Variants in SETD2 observed in about 807,000 individuals in gnomAD.
The protein encoded by SETD2 is histone-lysine N-methyltransferase SETD2.
Under a neutral mutation model 242.1 loss-of-function variants are expected in SETD2, and 31 were observed. The observed-to-expected ratio is 0.13, with a 90% CI of 0.10 to 0.17. SETD2 has a LOEUF of 0.17. SETD2 is among the 10% of genes least tolerant of loss of function. The pLI is 1.00. For missense variants in SETD2, 2,481 were observed against 3,046.3 expected (o/e 0.81, Z 4.37); for synonymous variants, 1,006 against 1,066.5 (o/e 0.94, Z 1.11).
intron 12 of SETD2, among the ~76,000 whole-genome samples, chr3:47,077,343 A>G (rs1000730335): frequency 6.6e-6 from 1 of 152,142 alleles, no homozygotes; most frequent in Non-Finnish European, 1.5e-5. Flanking sequence ...TCGGCCTCCC[A>G]AAGTGCTGGG....
At chr3:47,037,848 T>A in intron 17 of SETD2, 71 bp from the exon 18 acceptor site, 1 of 1,028,944 alleles carries the variant, frequency 9.7e-7, no homozygotes, top group Non-Finnish European at 1.5e-6. Flanking sequence ...ACATCACTGC[T>A]CATACATACA....
intron 9 of SETD2, among the ~76,000 whole-genome samples, chr3:47,097,086 T>C (rs1190109978): frequency 6.6e-6 from 1 of 152,118 alleles, no homozygotes; most frequent in Non-Finnish European, 1.5e-5. Flanking sequence ...AACAGAAAAA[T>C]TGCTGTCATC....
At chr3:47,144,842 T>C (rs2043816209) in intron 1 of SETD2, among the ~76,000 whole-genome samples, 1 of 151,636 alleles carries the variant, frequency 6.6e-6, no homozygotes, top group Non-Finnish European at 1.5e-5. Context: ...TCCCAGCTAC[T>C]CGGGAGGCTG....
chr3:47,041,550 T>A (rs1325649550), intron 17 of SETD2, among the ~76,000 whole-genome samples: 3 of 151,984 alleles, frequency 2.0e-5, no homozygotes, highest in Non-Finnish European at 2.9e-5. Context: ...TTGATAAAGC[T>A]CTATGAAATA....
chr3:47,019,069 T>G (rs1420939662), intron 19 of SETD2, among the ~76,000 whole-genome samples: 1 of 152,218 alleles, frequency 6.6e-6, no homozygotes, highest in African/African-American at 2.4e-5. Context: ...GAATGAAGAT[T>G]GGAGTTTAGA....
chr3:47,084,121 T>A lies in SETD2; in HGVS notation c.5659A>T (p.Asn1887Tyr). The stretch of plus-strand genomic sequence containing the variant: ...TCAGAGATTGCACTGTCCATGCTAT[T>A]TTCACTTATAATTTTCAGTCTGCGA... ...MFRRLKIISENSMDSAISDAT... is the reference protein window; with the variant it reads ...MFRRLKIISEYSMDSAISDAT... The change falls in exon 12 of 21, where the codon AAT (asparagine) becomes TAT (tyrosine). Residue 1887 changes from asparagine to tyrosine, a missense_variant. By Grantham distance (143) the Asn-to-Tyr change is moderately radical (BLOSUM62 -2). Transcript: ENST00000409792. 1 of 1,614,172 alleles carries A rather than the reference T, an allele frequency of 6.2e-7. No individual in the cohort carries two copies. Among genetic ancestry groups the A allele is most frequent in the Non-Finnish European group, 8.5e-7 (1 of 1,180,024 alleles).
intron 1 of SETD2, among the ~76,000 whole-genome samples, chr3:47,139,800 T>G (rs1437288396): frequency 1.3e-5 from 2 of 152,214 alleles, no homozygotes; most frequent in Non-Finnish European, 2.9e-5. Context: ...AGTGATACAC[T>G]GCTTTATCAA....
rs753153096 is a variant in SETD2, at chr3:47,088,167, T to A, written c.5223A>T (p.Leu1741=). 2 of 1,613,888 alleles carry A rather than the reference T, an allele frequency of 1.2e-6. No homozygotes were observed. The highest frequency in any genetic ancestry group is 1.7e-6 in the Non-Finnish European group (2 of 1,179,918). The stretch of plus-strand genomic sequence containing the variant: ...GCTCCAAAGTTTCAATTCTAACCAT[T>A]AGCCGGGATAAGCTGAGCACCTGGT... The part of the protein sequence containing the change: ...DKNQVLSLSR[L]MVRIETLEQK... Residue 1741 remains leucine, a synonymous_variant, in exon 10 of 21, where the codon CTA becomes CTT. Coordinates refer to ENST00000409792, the MANE Select transcript of SETD2 (RefSeq NM_014159.7).
chr3:47,066,902 A>C (rs775352870), intron 13 of SETD2, 168 bp downstream of exon 13: 4 of 552,798 alleles, frequency 7.2e-6, no homozygotes, highest in Non-Finnish European at 9.6e-6. Context: ...AAAATGCATT[A>C]AGAATAAAAG....
chr3:47,078,812 C>A (rs976025395), intron 12 of SETD2, among the ~76,000 whole-genome samples: 9 of 151,804 alleles, frequency 5.9e-5, no homozygotes, highest in Non-Finnish European at 2.9e-5. Flanking sequence ...ATCACTGCAG[C>A]CTCAACCTCC....
rs762246808 is a variant in SETD2 at position 47,083,862 on chromosome 3, G to C, written c.5918C>G (p.Pro1973Arg). The change falls in exon 12 of 21, where the codon CCT becomes CGT. Residue 1973 changes from proline (P) to arginine (R), a missense_variant. Around this residue, in one of 17 missense-constraint regions of SETD2, gnomAD observed 203 missense variants for 222.4 expected, o/e 0.91. Coordinates refer to ENST00000409792, the MANE Select transcript of SETD2 (RefSeq NM_014159.7). ...KESNGTKLEE[P>R]INEETPSQDE... Reference sequence around the variant, plus strand: ...TTGGGATGGTGTTTCTTCATTAATAGGTTCTTCTAGTTTTGTGCCGTTGCT... The same window carrying C: ...TTGGGATGGTGTTTCTTCATTAATACGTTCTTCTAGTTTTGTGCCGTTGCT... 3.1e-6 allele frequency: 5 copies of C among 1,614,112 alleles called. No homozygotes were observed. The Admixed American group carries it at 8.3e-5, about 27-fold the overall frequency.
chr3:47,040,725 C>T (rs1035381152), intron 17 of SETD2, among the ~76,000 whole-genome samples: 1 of 151,746 alleles, frequency 6.6e-6, no homozygotes, highest in Non-Finnish European at 1.5e-5. Context: ...AGGTGCACAC[C>T]ACCATGCCAA....
At chr3:47,056,375 C>T (rs1559671869) in intron 15 of SETD2, among the ~76,000 whole-genome samples, 2 of 152,010 alleles carry the variant, frequency 1.3e-5, no homozygotes, top group Non-Finnish European at 2.9e-5. Context: ...GATCCGTCCA[C>T]CTCGGCCTCC....
chr3:47,072,212 G>A (rs1463047858), intron 12 of SETD2, among the ~76,000 whole-genome samples: 1 of 152,116 alleles, frequency 6.6e-6, no homozygotes, highest in Non-Finnish European at 1.5e-5. Flanking sequence ...GGAGGCTGAG[G>A]CAGGAGAATG....
chr3:47,145,265 A>G (rs1463858587), intron 1 of SETD2, among the ~76,000 whole-genome samples: 1 of 152,182 alleles, frequency 6.6e-6, no homozygotes, highest in African/African-American at 2.4e-5. Flanking sequence ...GATATCTTGG[A>G]CCCAAGTCTA....
chr3:47,105,654 G>A (rs1382409361), intron 6 of SETD2: 15 of 448,462 alleles, frequency 3.3e-5, no homozygotes, highest in East Asian at 7.1e-5. Context: ...GGCAGGACAC[G>A]GTGGCTCATG....
intron 14 of SETD2, 92 bp downstream of exon 14, chr3:47,062,071 T>C (rs2040356231): frequency 2.6e-6 from 3 of 1,158,942 alleles, no homozygotes; most frequent in Non-Finnish European, 2.5e-6. Flanking sequence ...CCAAAAGCCC[T>C]TGATGTTCAC....
At chr3:47,144,155 C>A (rs1295957363) in intron 1 of SETD2, among the ~76,000 whole-genome samples, 2 of 152,166 alleles carry the variant, frequency 1.3e-5, no homozygotes, top group Admixed American at 1.3e-4. Flanking sequence ...AAGAACTACT[C>A]CAAGCTGACA....
intron 18 of SETD2, among the ~76,000 whole-genome samples, chr3:47,023,360 A>G (rs2038324266): frequency 6.6e-6 from 1 of 152,170 alleles, no homozygotes; most frequent in Non-Finnish European, 1.5e-5. Context: ...AGATCGTGCC[A>G]CTGCACTGCA....
Sources: allele counts gnomAD v4.1 joint callset (sites outside exome capture counted in the v4.1 genomes callset), GRCh38; gene constraint gnomAD v4.1.1; regional missense constraint gnomAD v4.1.1; transcripts MANE v1.5; gene names NCBI Gene and HGNC (gene_info 2026-07-23, HGNC 2026-07-21).